The following ZFYVE9 variants were observed in gnomAD, a reference collection of about 807,000 sequenced individuals.
ZFYVE9 encodes the protein zinc finger FYVE domain-containing protein 9.
ZFYVE9 carries 43 observed loss-of-function variants against 126.7 expected under a neutral mutation model. The observed-to-expected ratio is 0.34, with a 90% CI of 0.27 to 0.44. The LOEUF (loss-of-function observed/expected upper bound fraction) is 0.44. Ranked by LOEUF, ZFYVE9 falls within the 20% of genes least tolerant of loss-of-function variation. The pLI is 1.00. For synonymous variants in ZFYVE9, 521 were observed against 597.4 expected, an observed-to-expected ratio of 0.87 and a Z score of 1.87; for missense variants, 1,476 against 1,697.0, an observed-to-expected ratio of 0.87 and a Z score of 2.29.
At chr1:52,268,437 C>T (rs1248055870) in intron 6 of ZFYVE9, 26 bp from the exon 7 acceptor site, 1 of 1,600,834 alleles carries the variant, frequency 6.2e-7, no homozygotes, top group Admixed American at 1.7e-5. Flanking sequence ...ACATTGATGC[C>T]TGTTTTATTT....
chr1:52,228,164 C>T (rs916648807), intron 2 of ZFYVE9, among the ~76,000 whole-genome samples: 2 of 152,090 alleles, frequency 1.3e-5, no homozygotes, highest in African/African-American at 4.8e-5. Context: ...CTGCAACCTC[C>T]GTCTCCTGAG....
chr1:52,168,100 ACTT>A (rs762180932), intron 1 of ZFYVE9, among the ~76,000 whole-genome samples: 10 of 152,242 alleles, frequency 6.6e-5, no homozygotes, highest in Non-Finnish European at 1.0e-4. Context: ...CATTTAGTAT[ACTT>A]CTTATTTAAG....
intron 1 of ZFYVE9, among the ~76,000 whole-genome samples, chr1:52,185,529 A>G (rs1644756846): frequency 6.6e-6 from 1 of 152,234 alleles, no homozygotes; most frequent in South Asian, 2.1e-4. Context: ...AATAAACCAA[A>G]TAAGTAAGAT....
chr1:52,254,260 G>GA (rs1371693257), intron 4 of ZFYVE9: 1 of 219,678 alleles, frequency 4.6e-6, no homozygotes. Context: ...TACCTTTATT[G>GA]AAAAAAACAT....
In ZFYVE9 at chr1:52,281,735, C is replaced by A. The variant is rs747256286; in HGVS notation, c.2944C>A (p.Leu982Ile). The A allele has an allele frequency of 1.4e-5, 22 of 1,614,126 alleles. No individual in the cohort carries two copies. Among genetic ancestry groups the A allele is most frequent in the Non-Finnish European group, 1.7e-5 (20 of 1,180,014 alleles). The change falls in exon 10 of 19, where the codon CTA becomes ATA. Residue 982 changes from leucine to isoleucine, a missense_variant. Coordinates refer to ENST00000287727, the MANE Select transcript of ZFYVE9 (RefSeq NM_004799.4). ...GGGTCAGTCTGAGATAGTCATTCTTCTACAGTGTTTACCGGATGAAAAGTG... is the reference window on the plus strand; with the variant it reads ...GGGTCAGTCTGAGATAGTCATTCTTATACAGTGTTTACCGGATGAAAAGTG... The part of the protein sequence containing the change: ...AVGQSEIVIL[L>I]QCLPDEKCLP...
chr1:52,301,086 C>T (rs982295800), intron 12 of ZFYVE9, among the ~76,000 whole-genome samples: 6 of 151,858 alleles, frequency 4.0e-5, no homozygotes, highest in Non-Finnish European at 7.4e-5. Context: ...TCTTGAACTC[C>T]TGACCTCAAG....
At chr1:52,293,806 G>T in intron 11 of ZFYVE9, 129 bp downstream of exon 11, 1 of 838,918 alleles carries the variant, frequency 1.2e-6, no homozygotes, top group Non-Finnish European at 1.9e-6. Flanking sequence ...AATTTGGCCA[G>T]TGTCTGCGTG....
intron 1 of ZFYVE9, among the ~76,000 whole-genome samples, chr1:52,198,380 G>C (rs1196192843): frequency 6.6e-6 from 1 of 151,794 alleles, no homozygotes; most frequent in African/African-American, 2.4e-5. Context: ...TACAGGCATG[G>C]GCTACTGTGC....
intron 6 of ZFYVE9, among the ~76,000 whole-genome samples, chr1:52,268,096 A>G (rs1028501921): frequency 2.0e-5 from 3 of 152,154 alleles, no homozygotes; most frequent in African/African-American, 4.8e-5. Context: ...GTGAATGTCT[A>G]TTGCTTTTTT....
At chr1:52,212,201 G>A (rs1350091846) in intron 1 of ZFYVE9, among the ~76,000 whole-genome samples, 1 of 152,128 alleles carries the variant, frequency 6.6e-6, no homozygotes, top group African/African-American at 2.4e-5. Flanking sequence ...CTGGAGTGCA[G>A]TGTCATGATC....
chr1:52,166,828 G>A (rs1485608263), intron 1 of ZFYVE9, among the ~76,000 whole-genome samples: 1 of 152,136 alleles, frequency 6.6e-6, no homozygotes, highest in African/African-American at 2.4e-5. Context: ...CCGAGCCTGG[G>A]GAGGTCAAGG....
chr1:52,199,772 G>T (rs1644906451), intron 1 of ZFYVE9, among the ~76,000 whole-genome samples: 1 of 152,174 alleles, frequency 6.6e-6, no homozygotes, highest in Admixed American at 6.5e-5. Flanking sequence ...TTCCAAAGTG[G>T]CTGTACCATT....
chr1:52,200,052 A>T (rs1644909084), intron 1 of ZFYVE9, among the ~76,000 whole-genome samples: 1 of 150,796 alleles, frequency 6.6e-6, no homozygotes, highest in African/African-American at 2.4e-5. Flanking sequence ...TATTGTTTTA[A>T]AAGTTCTTTG....
chr1:52,237,082 C>T (rs1263184695), intron 3 of ZFYVE9, among the ~76,000 whole-genome samples: 1 of 152,048 alleles, frequency 6.6e-6, no homozygotes, highest in East Asian at 1.9e-4. Context: ...AGCATTCAGT[C>T]TCTACAGAAA....
chr1:52,227,244 A>G (rs970940106), intron 2 of ZFYVE9, among the ~76,000 whole-genome samples: 1 of 152,270 alleles, frequency 6.6e-6, no homozygotes, highest in African/African-American at 2.4e-5. Context: ...CTTCTTCACC[A>G]AAACTCTGAG....
At chr1:52,333,338 C>G (rs946399158) in intron 14 of ZFYVE9, among the ~76,000 whole-genome samples, 2 of 150,930 alleles carry the variant, frequency 1.3e-5, no homozygotes, top group African/African-American at 4.9e-5. Flanking sequence ...AGGGCCAGCT[C>G]TGGCATTTGA....
At chr1:52,195,101 G>A (rs1644848152) in intron 1 of ZFYVE9, among the ~76,000 whole-genome samples, 1 of 152,008 alleles carries the variant, frequency 6.6e-6, no homozygotes, top group African/African-American at 2.4e-5. Context: ...ATCTGTAGTG[G>A]GAGTATTAAT....
At chr1:52,188,143 G>A (rs1182006750) in intron 1 of ZFYVE9, among the ~76,000 whole-genome samples, 10 of 152,170 alleles carry the variant, frequency 6.6e-5, no homozygotes, top group Non-Finnish European at 1.3e-4. Flanking sequence ...ATACTATGGC[G>A]CCATACAAAA....
intron 4 of ZFYVE9, among the ~76,000 whole-genome samples, chr1:52,251,030 TTG>T (rs1645440041): frequency 4.5e-5 from 4 of 88,964 alleles, no homozygotes; most frequent in Non-Finnish European, 2.0e-5. Flanking sequence ...GTCGTTTTTG[TTG>T]TTGTTGTTGT....
Sources: gnomAD v4.1 joint callset for allele counts (sites outside exome capture counted in the v4.1 genomes callset) on GRCh38, gnomAD v4.1.1 for gene constraint, MANE v1.5 for transcripts, NCBI Gene and HGNC (gene_info 2026-07-23, HGNC 2026-07-21) for gene names.